PKHD1: variants seen among roughly 807,000 people sequenced by gnomAD.
PKHD1 encodes the protein PKHD1 ciliary IPT domain containing fibrocystin/polyductin.
Under a neutral mutation model 412.0 loss-of-function variants are expected in PKHD1, and 291 were observed. The observed-to-expected ratio is 0.71, with a 90% CI of 0.64 to 0.78. The LOEUF is 0.78. Among genes scored for constraint, PKHD1 ranks in the 30% least tolerant of loss-of-function variants. PKHD1 has a pLI of 0.00. For synonymous variants in PKHD1, 1,777 were observed against 1,821.5 expected (o/e 0.98, Z 0.62); for missense variants, 4,825 against 4,950.7 (o/e 0.97, Z 0.76).
chr6:51,723,644 G>A (rs1782202792), intron 60 of PKHD1, among the ~76,000 whole-genome samples: 2 of 152,302 alleles, frequency 1.3e-5, no homozygotes, highest in East Asian at 1.9e-4. Flanking sequence ...ATGGTGAAAT[G>A]TTATTTTGGA....
At chr6:51,831,532 A>G (rs1768251985) in intron 51 of PKHD1, among the ~76,000 whole-genome samples, 1 of 152,216 alleles carries the variant, frequency 6.6e-6, no homozygotes, top group African/African-American at 2.4e-5. Flanking sequence ...AATGTCTGAC[A>G]TTGAGACTCT....
At chr6:51,722,246 T>C (rs867526138) in intron 60 of PKHD1, among the ~76,000 whole-genome samples, 1 of 152,318 alleles carries the variant, frequency 6.6e-6, no homozygotes, top group South Asian at 2.1e-4. Flanking sequence ...AGATTATACA[T>C]TTCTAGGTGC....
intron 52 of PKHD1, among the ~76,000 whole-genome samples, chr6:51,803,992 G>A (rs1763323582): frequency 6.6e-6 from 1 of 151,508 alleles, no homozygotes; most frequent in Non-Finnish European, 1.5e-5. Context: ...ACAGGTGTGA[G>A]CCACCAGGTA....
At position 51,721,705 on chromosome 6, in the gene PKHD1, C is replaced by T. The variant is rs912724067; in HGVS notation, c.10156+22680G>A. The stretch of plus-strand genomic sequence containing the variant: ...TCCATTCCCAAAGATATCCTGACTA[C>T]GGACAATGGTGTCACTGTTGACACC... On this transcript the variant is annotated intron_variant, in intron 60 of 66. Coordinates refer to ENST00000371117, the MANE Select transcript of PKHD1 (RefSeq NM_138694.4). 40 of 1,298,934 alleles carry T rather than the reference C, an allele frequency of 3.1e-5. No individual in the cohort carries two copies. In the East Asian group the frequency reaches 4.7e-4, roughly 15 times the overall value. The allele number at this position is 1,298,934 out of a possible 1,614,324, so 80.5% of individuals were successfully genotyped here.
At chr6:51,989,912 GA>G (rs1796718769) in intron 35 of PKHD1, among the ~76,000 whole-genome samples, 2 of 96,882 alleles carry the variant, frequency 2.1e-5, no homozygotes, top group Non-Finnish European at 4.3e-5. Context: ...AGGAAGGAAG[GA>G]AGGAAGGAAG....
At chr6:51,791,176 G>C (rs1054035949) in intron 53 of PKHD1, 60 bp downstream of exon 53, 163 of 1,544,490 alleles carry the variant, frequency 1.1e-4, no homozygotes, top group Non-Finnish European at 1.4e-4. Flanking sequence ...CTGTTTCCCA[G>C]AGCCCCTTCT....
chr6:52,054,102 C>T lies in PKHD1; in HGVS notation c.1900G>A (p.Gly634Ser), dbSNP rs766829339. 18 of 1,613,416 alleles carry T rather than the reference C, an allele frequency of 1.1e-5. No individual in the cohort carries two copies. The highest frequency in any genetic ancestry group is 3.3e-5 in the South Asian group (3 of 91,078). Residue 634 changes from glycine to serine, a missense_variant, in exon 20 of 67, where the codon GGC becomes AGC. By Grantham distance (56) the Gly-to-Ser change is moderately conservative (BLOSUM62 0). Transcript: ENST00000371117. Reference protein sequence around the residue: ...ILKMIVSFTIGFQNMVKNTTC... With the variant: ...ILKMIVSFTISFQNMVKNTTC... Reference sequence around the variant, plus strand: ...GTATTCTTTACCATGTTTTGAAAGCCGATTGTGAAGGACACAATCATCTTC... The same window carrying T: ...GTATTCTTTACCATGTTTTGAAAGCTGATTGTGAAGGACACAATCATCTTC...
intron 19 of PKHD1, among the ~76,000 whole-genome samples, chr6:52,054,651 C>T (rs1425927277): frequency 6.6e-6 from 1 of 152,204 alleles, no homozygotes; most frequent in Non-Finnish European, 1.5e-5. Context: ...TCGGCACTAT[C>T]AATATTCTAG....
chr6:51,788,845 C>T (rs1281140039), intron 53 of PKHD1, among the ~76,000 whole-genome samples: 1 of 152,172 alleles, frequency 6.6e-6, no homozygotes, highest in African/African-American at 2.4e-5. Context: ...ACATACCAAG[C>T]ACTTCCTATG....
At chr6:51,780,102 A>C (rs1791730175) in intron 53 of PKHD1, among the ~76,000 whole-genome samples, 1 of 152,140 alleles carries the variant, frequency 6.6e-6, no homozygotes, top group African/African-American at 2.4e-5. Flanking sequence ...GAAAGTAAAA[A>C]AGCAGCCAGA....
At chr6:51,806,032 A>G (rs1763716416) in intron 52 of PKHD1, among the ~76,000 whole-genome samples, 1 of 138,328 alleles carries the variant, frequency 7.2e-6, no homozygotes, top group African/African-American at 2.7e-5. Context: ...TCCAGATGGT[A>G]TTTCTAGTTC....
At chr6:51,726,735 A>G (rs1255430254) in intron 60 of PKHD1, among the ~76,000 whole-genome samples, 1 of 152,216 alleles carries the variant, frequency 6.6e-6, no homozygotes, top group Non-Finnish European at 1.5e-5. Flanking sequence ...AAGAGAAAAA[A>G]TCTTGCAGAG....
chr6:51,652,469 C>G (rs1771130922), intron 61 of PKHD1, among the ~76,000 whole-genome samples: 1 of 151,986 alleles, frequency 6.6e-6, no homozygotes, highest in Non-Finnish European at 1.5e-5. Context: ...TCTCTTCAAC[C>G]TTCTTCTCAA....
intron 60 of PKHD1, among the ~76,000 whole-genome samples, chr6:51,660,454 A>G (rs959741080): frequency 2.0e-5 from 3 of 152,050 alleles, no homozygotes; most frequent in Non-Finnish European, 2.9e-5. Context: ...TACTAAACAA[A>G]GTTAGTGCAG....
chr6:51,747,654 A>G (rs1785382368), intron 58 of PKHD1, 133 bp downstream of exon 58: 1 of 737,468 alleles, frequency 1.4e-6, no homozygotes, highest in East Asian at 2.6e-5. Flanking sequence ...TGTGGCTATC[A>G]ATACTCAGCA....
chr6:51,718,647 A>G (rs931855868), intron 60 of PKHD1, among the ~76,000 whole-genome samples: 2 of 152,146 alleles, frequency 1.3e-5, no homozygotes, highest in Non-Finnish European at 2.9e-5. Flanking sequence ...AACTTGTACT[A>G]TTTGTTATCT....
At chr6:51,950,523 C>T (rs1469982852) in intron 36 of PKHD1, among the ~76,000 whole-genome samples, 1 of 152,066 alleles carries the variant, frequency 6.6e-6, no homozygotes, top group Non-Finnish European at 1.5e-5. Context: ...CAAACTTGAA[C>T]CTGCATCAGA....
rs74437331 is a variant in PKHD1 at position 51,692,197 on chromosome 6, A to G, written c.10157-32228T>C. Among the ~76,000 whole-genome samples, 1,047 of 152,016 alleles carry G rather than the reference A, an allele frequency of 6.9e-3. 7 individuals are homozygous for G. The highest frequency in any genetic ancestry group is 0.011 in the Non-Finnish European group (736 of 67,952). ...AAAATCCCCAGTTCTTGGCAAAGCT[A>G]TGTATCCACTGCCATCACTTTTGCT... On this transcript the variant is annotated intron_variant, in intron 60 of 66. Coordinates refer to ENST00000371117, the MANE Select transcript of PKHD1 (RefSeq NM_138694.4).
At chr6:51,821,254 T>C (rs976683961) in intron 52 of PKHD1, among the ~76,000 whole-genome samples, 4 of 152,326 alleles carry the variant, frequency 2.6e-5, no homozygotes, top group Middle Eastern at 3.4e-3. Context: ...GTGCAAATCA[T>C]AGAATATGGG....
Sources: allele counts gnomAD v4.1 joint callset (sites outside exome capture counted in the v4.1 genomes callset), GRCh38; gene constraint gnomAD v4.1.1; transcripts MANE v1.5; gene names NCBI Gene and HGNC (gene_info 2026-07-23, HGNC 2026-07-21).